The following GMFB variants were observed in gnomAD, a reference collection of about 807,000 sequenced individuals.
GMFB encodes the protein glia maturation factor beta, also known as GMF-beta.
A neutral mutation model predicts 25.6 loss-of-function variants in GMFB; 13 were observed. That is an observed-to-expected ratio of 0.51 (90% confidence interval 0.33 to 0.81). GMFB has a LOEUF of 0.81. Ranked by LOEUF, GMFB falls within the 30% of genes least tolerant of loss-of-function variation. The probability of loss-of-function intolerance (pLI) is 0.02; values close to 1 mark genes in which losing one functional copy is unlikely to be tolerated. For synonymous variants in GMFB, 57 were observed against 56.9 expected, an observed-to-expected ratio of 1.00 and a Z score of 0.00; for missense variants, 146 against 175.4, an observed-to-expected ratio of 0.83 and a Z score of 0.95.
chr14:54,481,403 G>T lies in GMFB; in HGVS notation c.200+6C>A. 1 of 1,586,220 alleles carries T rather than the reference G, an allele frequency of 6.3e-7. No individual in the cohort carries two copies. The highest frequency in any genetic ancestry group is 8.7e-7 in the Non-Finnish European group (1 of 1,155,170). The stretch of plus-strand genomic sequence containing the variant: ...TAAATCTTTTAAAGCACTAAGAAAA[G>T]GATATCGAGGTTGTCGTTCAGGTAG... On this transcript the variant is annotated splice_donor_region_variant and intron_variant, in intron 4 of 6. Transcript: ENST00000358056.
intron 6 of GMFB, chr14:54,478,371 T>C: frequency 3.0e-6 from 1 of 335,222 alleles, no homozygotes; most frequent in Non-Finnish European, 5.4e-6. Context: ...TTCACTTCTT[T>C]TAAATGCTAA....
chr14:54,484,150 G>A (rs1171171366), intron 1 of GMFB: 6 of 245,662 alleles, frequency 2.4e-5, no homozygotes, highest in South Asian at 4.4e-5. Flanking sequence ...ACACAGTGAA[G>A]GAAGAACAAG....
At chr14:54,479,196 A>T (rs1399289122) in intron 6 of GMFB, 1 of 152,184 alleles carries the variant, frequency 6.6e-6, no homozygotes, top group Non-Finnish European at 1.5e-5. Context: ...CAAAACCTTA[A>T]GTGCATATAC....
chr14:54,479,672 T>C (rs1373370042), intron 6 of GMFB, 114 bp downstream of exon 6: 2 of 581,698 alleles, frequency 3.4e-6, no homozygotes, highest in Admixed American at 3.2e-5. Context: ...CTTACTAATC[T>C]GGTCTAAATA....
chr14:54,474,922 T>C lies in GMFB; in HGVS notation c.*3166A>G, dbSNP rs1594631171. The C allele has an allele frequency of 6.5e-6, 1 of 152,744 alleles. No homozygotes were observed. The highest frequency in any genetic ancestry group is 1.9e-4 in the East Asian group (1 of 5,194). 9.5% of individuals were successfully genotyped at this position (152,744 alleles called of 1,614,324 possible). On this transcript the variant is annotated 3_prime_UTR_variant, in exon 7 of 7. Transcript: ENST00000358056. The stretch of plus-strand genomic sequence containing the variant: ...ATTGGTTTTAAGCGGTCTAGAAGAT[T>C]ACTACATTCTTCCAGAAATACAAAA...
chr14:54,487,441 G>A (rs531106892), intron 1 of GMFB, among the ~76,000 whole-genome samples: 136 of 152,054 alleles, frequency 8.9e-4, no homozygotes, highest in Non-Finnish European at 4.7e-4. Context: ...AGGCTGAGGC[G>A]GGAGAACGAA....
At chr14:54,488,904 G>A (rs1282561650) in intron 1 of GMFB, 21 bp downstream of exon 1, 3 of 1,555,160 alleles carry the variant, frequency 1.9e-6, no homozygotes, top group Non-Finnish European at 2.6e-6. Flanking sequence ...TCCGGCCCCC[G>A]CCCTCCCAGC....
intron 1 of GMFB, 189 bp from the exon 2 acceptor site, chr14:54,483,956 C>T (rs1437024435): frequency 2.9e-6 from 2 of 682,302 alleles, no homozygotes; most frequent in African/African-American, 3.5e-5. Flanking sequence ...TTGCTTAATC[C>T]TACAAATTTG....
In GMFB at chr14:54,488,946, C is replaced by G; in HGVS notation, c.-19G>C. 6.4e-7 allele frequency: 1 copy of G among 1,558,758 alleles called. No homozygotes were observed. The highest frequency in any genetic ancestry group is 8.7e-7 in the Non-Finnish European group (1 of 1,155,380). ...TCACCATTTTCCTTCCGGCCGTCAG[C>G]GGCCTGTCGCCTACACTCGGGCGCC... On this transcript the variant is annotated 5_prime_UTR_variant, in exon 1 of 7. Coordinates refer to ENST00000358056, the MANE Select transcript of GMFB (RefSeq NM_004124.3).
chr14:54,482,334 TCA>T (rs2031724085), intron 2 of GMFB, 132 bp from the exon 3 acceptor site: 10 of 603,234 alleles, frequency 1.7e-5, no homozygotes, highest in Non-Finnish European at 2.4e-5. Context: ...TATAACTAAT[TCA>T]CAGTTTTAGT....
rs1473517409 is a variant in GMFB, at chr14:54,488,937, G to A, written c.-10C>T. On this transcript the variant is annotated 5_prime_UTR_variant, in exon 1 of 7. Transcript: ENST00000358056. The stretch of plus-strand genomic sequence containing the variant: ...AGCGGCAACTCACCATTTTCCTTCC[G>A]GCCGTCAGCGGCCTGTCGCCTACAC... 1 of 1,559,828 alleles carries A rather than the reference G, an allele frequency of 6.4e-7. No individual in the cohort carries two copies. The highest frequency in any genetic ancestry group is 8.6e-7 in the Non-Finnish European group (1 of 1,156,220).
chr14:54,477,100 G>A lies in GMFB; in HGVS notation c.*988C>T, dbSNP rs966776190. The A allele has an allele frequency of 2.0e-5, 3 of 152,100 alleles. No homozygotes were observed. Among genetic ancestry groups the A allele is most frequent in the African/African-American group, 4.8e-5 (2 of 41,372 alleles). The allele number at this position is 152,100 out of a possible 1,614,324, so 9.4% of individuals were successfully genotyped here. ...AAGTATACCCAAAATTATAACTCTC[G>A]ACTGCCATATATTCACCAATGCAAG... On this transcript the variant is annotated 3_prime_UTR_variant, in exon 7 of 7. Transcript: ENST00000358056.
chr14:54,478,182 G>C, intron 6 of GMFB, 23 bp from the exon 7 acceptor site: 1 of 924,106 alleles, frequency 1.1e-6, no homozygotes, highest in African/African-American at 1.7e-5. Context: ...AAAAAACTTG[G>C]GTCATACTTT....
chr14:54,488,373 G>C (rs1385161643), intron 1 of GMFB, among the ~76,000 whole-genome samples: 2 of 152,220 alleles, frequency 1.3e-5, no homozygotes, highest in African/African-American at 4.8e-5. Flanking sequence ...AACTGCCATA[G>C]GAAAGCAAAG....
chr14:54,481,283 A>G, intron 4 of GMFB, 126 bp downstream of exon 4: 1 of 699,958 alleles, frequency 1.4e-6, no homozygotes. Flanking sequence ...TAGTATATGC[A>G]CACATATTTT....
At chr14:54,479,889 G>C (rs765243173) in intron 5 of GMFB, 30 bp from the exon 6 acceptor site, 10 of 1,320,774 alleles carry the variant, frequency 7.6e-6, no homozygotes, top group Middle Eastern at 1.8e-4. Context: ...GTAGAAATGA[G>C]ACACAGATTT....
At chr14:54,485,928 G>A (rs1051269936) in intron 1 of GMFB, among the ~76,000 whole-genome samples, 1 of 152,156 alleles carries the variant, frequency 6.6e-6, no homozygotes, top group Non-Finnish European at 1.5e-5. Context: ...AAATGGTGCT[G>A]GGAAAACCAG....
At chr14:54,488,803 A>C in intron 1 of GMFB, 122 bp downstream of exon 1, 2 of 697,418 alleles carry the variant, frequency 2.9e-6, no homozygotes, top group Non-Finnish European at 4.5e-6. Flanking sequence ...AGCTGCTGGG[A>C]GCGGAAGCGG....
At chr14:54,486,122 C>T (rs879818917) in intron 1 of GMFB, among the ~76,000 whole-genome samples, 6 of 151,986 alleles carry the variant, frequency 3.9e-5, no homozygotes, top group Non-Finnish European at 7.4e-5. Flanking sequence ...TGGTGGCAAG[C>T]GTCTGTAATC....
Sources: allele counts gnomAD v4.1 joint callset (sites outside exome capture counted in the v4.1 genomes callset), GRCh38; gene constraint gnomAD v4.1.1; transcripts MANE v1.5; gene names NCBI Gene and HGNC (gene_info 2026-07-23, HGNC 2026-07-21).